Variants in ARHGAP10 observed in about 807,000 individuals in gnomAD.
The protein encoded by ARHGAP10 is Rho GTPase activating protein 10.
ARHGAP10 carries 87 observed loss-of-function variants against 108.6 expected under a neutral mutation model. The observed-to-expected ratio is 0.80, with a 90% CI of 0.67 to 0.96. The LOEUF (loss-of-function observed/expected upper bound fraction) is 0.96. Among genes scored for constraint, ARHGAP10 ranks in the 40% least tolerant of loss-of-function variants. ARHGAP10 has a pLI of 0.00. For missense variants in ARHGAP10, 939 were observed against 954.5 expected, an observed-to-expected ratio of 0.98 and a Z score of 0.21; for synonymous variants, 347 against 341.1, an observed-to-expected ratio of 1.02 and a Z score of -0.19.
At chr4:147,829,254 G>A (rs1295811785) in intron 3 of ARHGAP10, among the ~76,000 whole-genome samples, 1 of 151,762 alleles carries the variant, frequency 6.6e-6, no homozygotes. Context: ...GGGTTTCACC[G>A]TGGTAGCCAG....
intron 20 of ARHGAP10, among the ~76,000 whole-genome samples, chr4:148,060,301 A>C (rs1196329698): frequency 6.6e-6 from 1 of 150,538 alleles, no homozygotes; most frequent in Non-Finnish European, 1.5e-5. Flanking sequence ...AGTAACCCAA[A>C]GTTTGGAAGG....
intron 18 of ARHGAP10, among the ~76,000 whole-genome samples, chr4:147,995,751 C>T (rs778893872): frequency 6.6e-6 from 1 of 152,026 alleles, no homozygotes; most frequent in Non-Finnish European, 1.5e-5. Flanking sequence ...GAGTCTTGCT[C>T]TGTCACCCAG....
At chr4:147,936,901 G>T (rs1294634429) in intron 13 of ARHGAP10, among the ~76,000 whole-genome samples, 4 of 152,194 alleles carry the variant, frequency 2.6e-5, no homozygotes, top group Admixed American at 6.5e-5. Flanking sequence ...TGAGCAGTGG[G>T]CAAGCCTTAT....
At chr4:148,016,607 G>T (rs573615856) in intron 18 of ARHGAP10, among the ~76,000 whole-genome samples, 7 of 152,250 alleles carry the variant, frequency 4.6e-5, no homozygotes, top group Admixed American at 4.6e-4. Flanking sequence ...ATGTGTGGGG[G>T]TTTTTCCTAC....
At chr4:147,964,399 G>A (rs776298235) in intron 16 of ARHGAP10, among the ~76,000 whole-genome samples, 28 of 152,158 alleles carry the variant, frequency 1.8e-4, no homozygotes, top group Non-Finnish European at 3.8e-4. Flanking sequence ...CCTCTTGATC[G>A]ACGCTGGTGC....
chr4:148,037,693 G>A (rs1728440694), intron 19 of ARHGAP10, among the ~76,000 whole-genome samples: 2 of 152,064 alleles, frequency 1.3e-5, no homozygotes, highest in Admixed American at 6.6e-5. Flanking sequence ...AAATTAGCTG[G>A]GTGTGGTGGC....
chr4:147,825,027 C>A (rs945659423), intron 3 of ARHGAP10, among the ~76,000 whole-genome samples: 3 of 152,172 alleles, frequency 2.0e-5, no homozygotes, highest in Non-Finnish European at 4.4e-5. Flanking sequence ...TGTTAAGAAG[C>A]AGGCACTCTG....
chr4:147,948,607 A>T (rs1738476035), intron 15 of ARHGAP10, among the ~76,000 whole-genome samples: 1 of 152,084 alleles, frequency 6.6e-6, no homozygotes, highest in African/African-American at 2.4e-5. Context: ...TGTCCTGTAG[A>T]TAAAGATTTT....
At chr4:148,004,901 A>G (rs1023497972) in intron 18 of ARHGAP10, among the ~76,000 whole-genome samples, 6 of 152,230 alleles carry the variant, frequency 3.9e-5, no homozygotes, top group African/African-American at 1.4e-4. Context: ...GTCAGAAAAT[A>G]TAATAAGAGT....
At chr4:147,976,706 G>A (rs1479241082) in intron 18 of ARHGAP10, among the ~76,000 whole-genome samples, 1 of 152,092 alleles carries the variant, frequency 6.6e-6, no homozygotes, top group African/African-American at 2.4e-5. Context: ...TTCTTTAGCT[G>A]TGGCATTGGA....
intron 13 of ARHGAP10, among the ~76,000 whole-genome samples, chr4:147,933,194 A>G (rs573856201): frequency 1.3e-5 from 2 of 152,178 alleles, no homozygotes; most frequent in African/African-American, 4.8e-5. Flanking sequence ...AGGTGAGGCC[A>G]TATTTCCCTG....
At chr4:147,803,832 A>G (rs977103221) in intron 1 of ARHGAP10, among the ~76,000 whole-genome samples, 3 of 152,194 alleles carry the variant, frequency 2.0e-5, no homozygotes, top group East Asian at 1.9e-4. Context: ...TTATCCATTC[A>G]TCCATTGATG....
chr4:147,809,824 G>A (rs1027610054), intron 1 of ARHGAP10, among the ~76,000 whole-genome samples: 1 of 152,168 alleles, frequency 6.6e-6, no homozygotes, highest in Admixed American at 6.5e-5. Context: ...GTTCACAATA[G>A]GGTCACGCTC....
intron 18 of ARHGAP10, among the ~76,000 whole-genome samples, chr4:148,018,011 C>G (rs1000620451): frequency 6.6e-6 from 1 of 152,086 alleles, no homozygotes; most frequent in African/African-American, 2.4e-5. Flanking sequence ...CGGTGCCAGA[C>G]TTCTGTTTGT....
At chr4:147,801,884 T>G (rs1731596937) in intron 1 of ARHGAP10, among the ~76,000 whole-genome samples, 1 of 152,172 alleles carries the variant, frequency 6.6e-6, no homozygotes, top group Non-Finnish European at 1.5e-5. Flanking sequence ...GTTTGTAATG[T>G]TTTTTGAAGT....
intron 18 of ARHGAP10, among the ~76,000 whole-genome samples, chr4:148,010,547 CTAT>C (rs1278029295): frequency 6.6e-6 from 1 of 152,022 alleles, no homozygotes; most frequent in African/African-American, 2.4e-5. Flanking sequence ...TAGTATAATT[CTAT>C]TATTGCTATT....
intron 1 of ARHGAP10, among the ~76,000 whole-genome samples, chr4:147,816,599 G>A (rs982427137): frequency 3.3e-5 from 5 of 152,228 alleles, no homozygotes; most frequent in Admixed American, 1.3e-4. Flanking sequence ...GGAACAGCCT[G>A]TGATTTGGCC....
intron 1 of ARHGAP10, among the ~76,000 whole-genome samples, chr4:147,750,950 G>A (rs1729118935): frequency 6.6e-6 from 1 of 151,916 alleles, no homozygotes; most frequent in African/African-American, 2.4e-5. Context: ...GCTCATTGTG[G>A]GCAGGTCGCG....
intron 4 of ARHGAP10, among the ~76,000 whole-genome samples, chr4:147,853,297 C>A (rs1027639402): frequency 6.6e-6 from 1 of 152,198 alleles, no homozygotes; most frequent in African/African-American, 2.4e-5. Context: ...GGCCACGAAT[C>A]GGTTTTTATT....
Sources: gnomAD v4.1 joint callset for allele counts (sites outside exome capture counted in the v4.1 genomes callset) on GRCh38, gnomAD v4.1.1 for gene constraint, MANE v1.5 for transcripts, NCBI Gene and HGNC (gene_info 2026-07-23, HGNC 2026-07-21) for gene names.